The following RPRD2 variants were observed in gnomAD, a reference collection of about 807,000 sequenced individuals.
RPRD2 encodes the protein regulation of nuclear pre-mRNA domain-containing protein 2.
RPRD2 carries 12 observed loss-of-function variants against 104.4 expected under a neutral mutation model. The ratio of observed to expected loss-of-function variants is 0.11; its 90% CI spans 0.07 to 0.19. The LOEUF is 0.19. RPRD2 is among the 10% of genes least tolerant of loss of function. The probability of loss-of-function intolerance (pLI) is 1.00; values close to 1 mark genes in which losing one functional copy is unlikely to be tolerated. For missense variants in RPRD2, 1,543 were observed against 1,790.1 expected, an observed-to-expected ratio of 0.86 and a Z score of 2.49; for synonymous variants, 714 against 684.9, an observed-to-expected ratio of 1.04 and a Z score of -0.66.
In RPRD2 at chr1:150,471,519, C is replaced by G; in HGVS notation, c.2571C>G (p.Ile857Met). 1.2e-6 allele frequency: 2 copies of G among 1,613,852 alleles called. No individual in the cohort carries two copies. The highest frequency in any genetic ancestry group is 2.2e-5 in the East Asian group (1 of 44,870). ...MNLEKKPAKS[I>M]LKSSKLSDTT... ...TAGAGAAGAAACCAGCCAAATCTAT[C>G]CTGAAATCAAGCAAGCTGTCTGATA... Residue 857 changes from isoleucine (I) to methionine (M), a missense_variant, in exon 11 of 11, where the codon ATC becomes ATG. Ile to Met is a conservative substitution (Grantham distance 10). Coordinates refer to ENST00000369068, the MANE Select transcript of RPRD2 (RefSeq NM_015203.5). This position sits in a 1 kb window ranked among gnomAD's most constrained non-coding sequence, Gnocchi z 5.3.
At chr1:150,419,089 C>A (rs1228154217) in intron 2 of RPRD2, among the ~76,000 whole-genome samples, 1 of 152,194 alleles carries the variant, frequency 6.6e-6, no homozygotes, top group Non-Finnish European at 1.5e-5. Flanking sequence ...TATTGAACAT[C>A]CCCACATTCG....
chr1:150,400,138 T>C (rs1410451951), intron 1 of RPRD2, among the ~76,000 whole-genome samples: 2 of 152,224 alleles, frequency 1.3e-5, no homozygotes, highest in African/African-American at 4.8e-5. Context: ...TTCATGCTCT[T>C]ATAAATGGTA....
At chr1:150,436,041 A>C (rs1665966247) in intron 2 of RPRD2, among the ~76,000 whole-genome samples, 1 of 152,154 alleles carries the variant, frequency 6.6e-6, no homozygotes, top group Admixed American at 6.6e-5. Flanking sequence ...CTGTAGATGG[A>C]ACAGCAAAGC....
chr1:150,377,674 T>C (rs1416860233), intron 1 of RPRD2, among the ~76,000 whole-genome samples: 1 of 151,814 alleles, frequency 6.6e-6, no homozygotes, highest in African/African-American at 2.4e-5. Flanking sequence ...TATAATAATA[T>C]GAGTTTTATA....
chr1:150,380,140 T>C (rs1661018559), intron 1 of RPRD2, among the ~76,000 whole-genome samples: 1 of 152,262 alleles, frequency 6.6e-6, no homozygotes, highest in Non-Finnish European at 1.5e-5. Flanking sequence ...ATAGCATCAC[T>C]ACCCACCATT....
chr1:150,387,890 ATTTTTTTC>A (rs1428709189), intron 1 of RPRD2, among the ~76,000 whole-genome samples: 6 of 122,410 alleles, frequency 4.9e-5, no homozygotes, highest in African/African-American at 1.3e-4. Flanking sequence ...GCTCCTGGCC[ATTTTTTTC>A]TTTTTTTCTT....
intron 1 of RPRD2, among the ~76,000 whole-genome samples, chr1:150,397,229 C>A (rs1048988098): frequency 1.3e-5 from 2 of 152,192 alleles, no homozygotes; most frequent in Non-Finnish European, 2.9e-5. Context: ...CTGCCTCGGC[C>A]TCTGGAAGTG....
At chr1:150,424,106 A>G (rs1013902748) in intron 2 of RPRD2, among the ~76,000 whole-genome samples, 5 of 151,804 alleles carry the variant, frequency 3.3e-5, no homozygotes, top group Non-Finnish European at 5.9e-5. Flanking sequence ...GAGAATTTCT[A>G]CTTAAATGTT....
intron 2 of RPRD2, among the ~76,000 whole-genome samples, chr1:150,418,011 A>G (rs1553888943): frequency 6.9e-6 from 1 of 145,048 alleles, no homozygotes; most frequent in African/African-American, 2.6e-5. Context: ...TCTGTTGCCC[A>G]GGCTGGAGTG....
chr1:150,380,201 TAGAA>T (rs1275584815), intron 1 of RPRD2, among the ~76,000 whole-genome samples: 5 of 152,180 alleles, frequency 3.3e-5, no homozygotes, highest in Non-Finnish European at 5.9e-5. Context: ...CCAAAAGTGT[TAGAA>T]GGACATTTTC....
chr1:150,368,903 C>T (rs1553877696), intron 1 of RPRD2, among the ~76,000 whole-genome samples: 2 of 152,166 alleles, frequency 1.3e-5, no homozygotes, highest in Non-Finnish European at 2.9e-5. Flanking sequence ...CCACTGCACC[C>T]GGCTTCGCTT....
Position 150,472,736 on chromosome 1 carries a change from G to A in RPRD2, c.3788G>A (p.Ser1263Asn). 6.2e-7 allele frequency: 1 copy of A among 1,613,296 alleles called. No homozygotes were observed. Residue 1263 changes from serine (S) to asparagine (N), a missense_variant, in exon 11 of 11, where the codon AGT (serine) becomes AAT (asparagine). By Grantham distance (46) the Ser-to-Asn change is conservative. Around this residue, in one of 4 missense-constraint regions of RPRD2, gnomAD observed 880 missense variants for 885.6 expected, o/e 0.99. Coordinates refer to ENST00000369068, the MANE Select transcript of RPRD2 (RefSeq NM_015203.5). ...AAPPPPPGEHSGIPFPTPPPP... is the reference protein window; with the variant it reads ...AAPPPPPGEHNGIPFPTPPPP... ...CCACCCCCTCCTCCTGGAGAGCACA[G>A]TGGAATTCCTTTCCCTACCCCACCT...
At position 150,423,815 on chromosome 1, in the gene RPRD2, A is replaced by G. The variant is rs1664926368; in HGVS notation, c.335+6090A>G. 4.7e-5 allele frequency among the ~76,000 whole-genome samples: 7 copies of G among 149,764 alleles called. No homozygotes were observed. In the South Asian group the frequency reaches 1.5e-3, roughly 32 times the overall value. ...AAATTTTTTTTTTTTTTTTTGAGACAGAGTTTCGCTCTTATTGCCCAGGCT... is the reference window on the plus strand; with the variant it reads ...AAATTTTTTTTTTTTTTTTTGAGACGGAGTTTCGCTCTTATTGCCCAGGCT... On this transcript the variant is annotated intron_variant, in intron 2 of 10. Transcript: ENST00000369068.
At chr1:150,407,686 C>A (rs1199794485) in intron 1 of RPRD2, among the ~76,000 whole-genome samples, 1 of 152,096 alleles carries the variant, frequency 6.6e-6, no homozygotes, top group Non-Finnish European at 1.5e-5. Flanking sequence ...TAACCCTCAA[C>A]AAAGCAACTA....
intron 7 of RPRD2, among the ~76,000 whole-genome samples, chr1:150,448,895 T>C (rs1553896063): frequency 6.6e-6 from 1 of 152,170 alleles, no homozygotes; most frequent in Non-Finnish European, 1.5e-5. Context: ...TTTCTATCAT[T>C]GTACTGGAGC....
rs184029502 is a variant in RPRD2, at chr1:150,393,046, A to T, written c.206-24550A>T. On this transcript the variant is annotated intron_variant, in intron 1 of 10. Transcript: ENST00000369068. ...GGGATGATCAGTTCAGATTTTTTTT[A>T]AAAATGTGGCTATATAGAGAGACAT... 2.7e-4 allele frequency among the ~76,000 whole-genome samples: 41 copies of T among 152,260 alleles called. No homozygotes were observed. The South Asian group carries it at 3.1e-3, about 12-fold the overall frequency.
chr1:150,467,394 G>A (rs1336550377), intron 10 of RPRD2, among the ~76,000 whole-genome samples: 1 of 152,002 alleles, frequency 6.6e-6, no homozygotes, highest in Non-Finnish European at 1.5e-5. Flanking sequence ...TTGTTTTTGA[G>A]ACGGGGACTT....
At position 150,473,167 on chromosome 1, in the gene RPRD2, A is replaced by T; in HGVS notation, c.4219A>T (p.Ile1407Phe). 6.2e-7 allele frequency: 1 copy of T among 1,614,010 alleles called. No homozygotes were observed. Among genetic ancestry groups the T allele is most frequent in the African/African-American group, 1.3e-5 (1 of 75,050 alleles). ...PPLGPSHRDT[I>F]SRSGIILRSP... ...CTTGGGTCCCTCACACAGAGACACC[A>T]TCAGCCGGAGTGGTATAATCTTACG... Residue 1407 changes from isoleucine to phenylalanine, a missense_variant, in exon 11 of 11, where the codon ATC (isoleucine) becomes TTC (phenylalanine). Physicochemically the swap from Ile to Phe is conservative, Grantham distance 21. This residue lies in a region of RPRD2 where 880 missense variants were observed against 885.6 expected (regional missense o/e 0.99). Coordinates refer to ENST00000369068, the MANE Select transcript of RPRD2 (RefSeq NM_015203.5).
At chr1:150,383,360 A>C (rs1572362762) in intron 1 of RPRD2, among the ~76,000 whole-genome samples, 1 of 126,142 alleles carries the variant, frequency 7.9e-6, no homozygotes, top group African/African-American at 3.2e-5. Context: ...CCTAGGCTGG[A>C]GTGCAGTGCA....
Sources: allele counts gnomAD v4.1 joint callset (sites outside exome capture counted in the v4.1 genomes callset), GRCh38; gene constraint gnomAD v4.1.1; regional missense constraint gnomAD v4.1.1; non-coding constraint Gnocchi (gnomAD v3.1); transcripts MANE v1.5; gene names NCBI Gene and HGNC (gene_info 2026-07-23, HGNC 2026-07-21).